Variants in ITGAE observed in about 807,000 individuals in gnomAD.
ITGAE encodes the protein integrin alpha-E.
ITGAE carries 99 observed loss-of-function variants against 136.5 expected under a neutral mutation model. That is an observed-to-expected ratio of 0.73 (90% CI 0.62 to 0.86). The LOEUF is 0.86. Among genes scored for constraint, ITGAE ranks in the 40% least tolerant of loss-of-function variants. The pLI, the probability that ITGAE is intolerant of heterozygous loss-of-function variation, is 0.00. For synonymous variants in ITGAE, 613 were observed against 591.8 expected, an observed-to-expected ratio of 1.04 and a Z score of -0.52; for missense variants, 1,447 against 1,515.3, an observed-to-expected ratio of 0.95 and a Z score of 0.75.
rs765762231 is a variant in ITGAE, at chr17:3,731,098, A to G, written c.2834+6T>C. On this transcript the variant is annotated splice_donor_region_variant and intron_variant, in intron 23 of 30. Transcript: ENST00000263087. ...CTGACTCTGCTGTGACCCAGGCAGT[A>G]CTTACTTGGTGACAGTCACAGTGAT... 5 of 1,610,584 alleles carry G rather than the reference A, an allele frequency of 3.1e-6. No homozygotes were observed. Among genetic ancestry groups the G allele is most frequent in the Middle Eastern group, 3.3e-4 (2 of 6,050 alleles).
intron 2 of ITGAE, among the ~76,000 whole-genome samples, chr17:3,770,144 G>C (rs1404817437): frequency 2.7e-5 from 4 of 146,356 alleles, no homozygotes; most frequent in Admixed American, 1.4e-4. Flanking sequence ...TTTTGAGATG[G>C]AGTCTCACTC....
chr17:3,735,435 G>A (rs2051439802), intron 20 of ITGAE, among the ~76,000 whole-genome samples: 1 of 152,184 alleles, frequency 6.6e-6, no homozygotes, highest in Non-Finnish European at 1.5e-5. Flanking sequence ...CCAAAGTGCT[G>A]GGATTACAGG....
chr17:3,724,179 C>T (rs9907144), intron 26 of ITGAE: 855,672 of 1,589,560 alleles, frequency 0.54, 233,950 homozygotes, highest in African/African-American at 0.62. Context: ...GCGGCGGAGG[C>T]GTCCCGGCGG....
intron 19 of ITGAE, among the ~76,000 whole-genome samples, chr17:3,743,157 C>T (rs558045921): frequency 3.3e-5 from 5 of 152,364 alleles, no homozygotes; most frequent in Admixed American, 2.0e-4. Context: ...CCCATCACAG[C>T]GTCATCAGAG....
intron 12 of ITGAE, among the ~76,000 whole-genome samples, chr17:3,754,474 G>GT (rs2051951636): frequency 6.6e-6 from 1 of 152,190 alleles, no homozygotes; most frequent in South Asian, 2.1e-4. Context: ...GTTTTGCCAT[G>GT]TTGGCCGGGC....
chr17:3,757,272 C>T, intron 9 of ITGAE, 138 bp from the exon 10 acceptor site: 1 of 1,098,006 alleles, frequency 9.1e-7, no homozygotes, highest in East Asian at 2.4e-5. Flanking sequence ...TTTCCCTGCT[C>T]CCTGTTCTAC....
At position 3,729,707 on chromosome 17, in the gene ITGAE, G is replaced by A. The variant is rs966126792; in HGVS notation, c.2835-152C>T. 12 of 623,748 alleles carry A rather than the reference G, an allele frequency of 1.9e-5. No homozygotes were observed. The South Asian group carries it at 2.0e-4, about 10-fold the overall frequency. The allele number at this position is 623,748 out of a possible 1,614,324, so 38.6% of individuals were successfully genotyped here. A position where few individuals can be genotyped will look rare whatever the true frequency, so the allele number is the denominator to read the frequency against. ...CCCCCCGGGTTCAAGCAATTCTCAT[G>A]CCTCAGCCTCCTGAGTAGCTGGAAT... On this transcript the variant is annotated intron_variant, in intron 23 of 30. Coordinates refer to ENST00000263087, the MANE Select transcript of ITGAE (RefSeq NM_002208.5).
intron 1 of ITGAE, among the ~76,000 whole-genome samples, chr17:3,790,113 C>G (rs369364606): frequency 2.6e-5 from 4 of 152,198 alleles, no homozygotes; most frequent in Non-Finnish European, 5.9e-5. Flanking sequence ...GATCTAAGGG[C>G]CCAAGACTAC....
In ITGAE at chr17:3,780,771, G is replaced by A. The variant is rs192711288; in HGVS notation, c.35-3111C>T. On this transcript the variant is annotated intron_variant, in intron 1 of 30. Transcript: ENST00000263087. ...GCTGGAGTGCAGTGGCATGATCATGGTTCCCTACAGTCTTTACCTCCAGGG... is the reference window on the plus strand; with the variant it reads ...GCTGGAGTGCAGTGGCATGATCATGATTCCCTACAGTCTTTACCTCCAGGG... 3.4e-4 allele frequency among the ~76,000 whole-genome samples: 52 copies of A among 152,254 alleles called. 1 individual carries two copies. The highest frequency in any genetic ancestry group is 5.3e-4 in the Non-Finnish European group (36 of 68,024).
intron 16 of ITGAE, among the ~76,000 whole-genome samples, chr17:3,748,964 G>T (rs1567530425): frequency 6.6e-6 from 1 of 152,218 alleles, no homozygotes; most frequent in Non-Finnish European, 1.5e-5. Flanking sequence ...AGGCAGCAGA[G>T]TGAAGGGATA....
chr17:3,750,373 A>G lies in ITGAE; in HGVS notation c.2003T>C (p.Leu668Pro). 6.2e-7 allele frequency: 1 copy of G among 1,614,174 alleles called. No individual in the cohort carries two copies. Among genetic ancestry groups the G allele is most frequent in the Non-Finnish European group, 8.5e-7 (1 of 1,180,020 alleles). The change falls in exon 16 of 31, where the codon CTG becomes CCG. Residue 668 changes from leucine to proline, a missense_variant. Physicochemically the swap from Leu to Pro is moderately conservative, Grantham distance 98. This residue lies in a region of ITGAE where 1,031 missense variants were observed against 1,011.4 expected (regional missense o/e 1.02). Coordinates refer to ENST00000263087, the MANE Select transcript of ITGAE (RefSeq NM_002208.5). ...CTACCGGAACACAACCGCCTGGCCC[A>G]GAGTGCCCACGGTGATGTCGGCAAG... ...DGLADITVGT[L>P]GQAVVFRSRP...
At chr17:3,759,131 A>C (rs2052101544) in intron 8 of ITGAE, among the ~76,000 whole-genome samples, 1 of 129,606 alleles carries the variant, frequency 7.7e-6, no homozygotes, top group Admixed American at 7.7e-5. Flanking sequence ...TCTCAAAAAA[A>C]AAAACAAAAA....
intron 1 of ITGAE, among the ~76,000 whole-genome samples, chr17:3,796,367 T>G (rs1165432699): frequency 6.6e-6 from 1 of 152,128 alleles, no homozygotes; most frequent in African/African-American, 2.4e-5. Flanking sequence ...CCACCAGGAC[T>G]CAGAAAACAG....
At chr17:3,724,511 C>T (rs762820419) in intron 26 of ITGAE, 7 of 1,614,016 alleles carry the variant, frequency 4.3e-6, no homozygotes, top group Non-Finnish European at 5.9e-6. Context: ...TCGGCACCTC[C>T]GCCTGTCTGG....
At position 3,772,398 on chromosome 17, in the gene ITGAE, CTGAA is replaced by C. The variant is rs34814711; in HGVS notation, c.155+5138_155+5141del. ...TGAGTAAGTGCTCCATCCATACTTG[CTGAA>C]TGAATGAATGAATGAATGAATGAAT... On this transcript the variant is annotated intron_variant, in intron 2 of 30. Coordinates refer to ENST00000263087, the MANE Select transcript of ITGAE (RefSeq NM_002208.5). 5.0e-4 allele frequency among the ~76,000 whole-genome samples: 75 copies of C among 151,090 alleles called. 1 individual carries two copies. The highest frequency in any genetic ancestry group is 1.7e-3 in the African/African-American group (68 of 41,098).
At chr17:3,769,305 G>A (rs2052366097) in intron 2 of ITGAE, among the ~76,000 whole-genome samples, 1 of 152,134 alleles carries the variant, frequency 6.6e-6, no homozygotes, top group Non-Finnish European at 1.5e-5. Flanking sequence ...ATCCCCTCCA[G>A]GCCCTGCAGC....
chr17:3,775,609 G>A (rs2052521316), intron 2 of ITGAE, among the ~76,000 whole-genome samples: 1 of 150,656 alleles, frequency 6.6e-6, no homozygotes, highest in South Asian at 2.1e-4. Context: ...ACAGGCGCCC[G>A]CCACCACACC....
At chr17:3,726,657 T>C (rs2051220601) in intron 26 of ITGAE, 1 of 241,018 alleles carries the variant, frequency 4.1e-6, no homozygotes, top group Non-Finnish European at 7.8e-6. Context: ...GCAAGACCCC[T>C]GTCTCTATTT....
chr17:3,789,437 T>G (rs1196533525), intron 1 of ITGAE, among the ~76,000 whole-genome samples: 13 of 151,840 alleles, frequency 8.6e-5, no homozygotes, highest in African/African-American at 2.9e-4. Context: ...AAGTTTTCCT[T>G]CCTTCCTTCC....
Sources: gnomAD v4.1 joint callset for allele counts (sites outside exome capture counted in the v4.1 genomes callset) on GRCh38, gnomAD v4.1.1 for gene constraint, gnomAD v4.1.1 regional missense constraint, MANE v1.5 for transcripts, NCBI Gene and HGNC (gene_info 2026-07-23, HGNC 2026-07-21) for gene names.